The following ZIM2 variants were observed in gnomAD, a reference collection of about 807,000 sequenced individuals.
ZIM2 encodes zinc finger protein 656.
ZIM2 carries 14 observed loss-of-function variants against 38.6 expected under a neutral mutation model. The ratio of observed to expected loss-of-function variants is 0.36; its 90% CI spans 0.24 to 0.57. ZIM2 has a LOEUF of 0.57. Among genes scored for constraint, ZIM2 ranks in the 20% least tolerant of loss-of-function variants. The probability of loss-of-function intolerance (pLI) is 0.81; values close to 1 mark genes in which losing one functional copy is unlikely to be tolerated. For missense variants in ZIM2, 680 were observed against 695.1 expected (o/e 0.98, Z 0.24); for synonymous variants, 247 against 245.8 (o/e 1.00, Z -0.04).
chr19:56,824,567 T>C, intron 3 of ZIM2, 140 bp from the exon 4 acceptor site: 1 of 1,614,126 alleles, frequency 6.2e-7, no homozygotes, highest in South Asian at 1.1e-5. Flanking sequence ...GACATCCGGC[T>C]CCTTAGTCAA....
Position 56,774,561 on chromosome 19 carries a change from T to TAC in ZIM2, c.*125_*126dup. 1 of 1,390,594 alleles carries TAC rather than the reference T, an allele frequency of 7.2e-7. No homozygotes were observed. The highest frequency in any genetic ancestry group is 9.5e-7 in the Non-Finnish European group (1 of 1,047,914). The allele number at this position is 1,390,594 out of a possible 1,614,324, so 86.1% of individuals were successfully genotyped here. A position where few individuals can be genotyped will look rare whatever the true frequency, so the allele number is the denominator to read the frequency against. ...AAAATTGCAACTTTTTTTTTTTTTTTACCACACTTTGATGAATGTTCAAGT... is the reference window on the plus strand; with the variant it reads ...AAAATTGCAACTTTTTTTTTTTTTTTACACCACACTTTGATGAATGTTCAAGT... On this transcript the variant is annotated 3_prime_UTR_variant, in exon 13 of 13. Transcript: ENST00000629319.
At chr19:56,789,813 A>C in intron 10 of ZIM2, 59 bp downstream of exon 10, 1 of 1,392,672 alleles carries the variant, frequency 7.2e-7, no homozygotes, top group Non-Finnish European at 9.6e-7. Flanking sequence ...GGAAGTCCAC[A>C]AATTAGGAAG....
At position 56,818,649 on chromosome 19, in the gene ZIM2, G is replaced by T. The variant is rs80150589; in HGVS notation, c.348C>A (p.His116Gln). 379 of 1,614,204 alleles carry T rather than the reference G, an allele frequency of 2.3e-4. No individual in the cohort carries two copies. The African/African-American group carries it at 4.6e-3, about 20-fold the overall frequency. Residue 116 changes from histidine to glutamine, a missense_variant, in exon 8 of 13, where the codon CAC becomes CAA. By Grantham distance (24) the His-to-Gln change is conservative. Transcript: ENST00000629319. ...VVDLAEDRKP[H>Q]NTIQDNMENY... is the part of the protein sequence containing the mutation. ...TTTCCATGTTGTCCTGGATTGTGTT[G>T]TGAGGTTTCCTGTCCTCAGCGAGGT...
At chr19:56,812,033 G>A in intron 9 of ZIM2, 1 of 984,526 alleles carries the variant, frequency 1.0e-6, no homozygotes, top group Non-Finnish European at 1.2e-6. Flanking sequence ...AGATCCAGAA[G>A]AGTAAGATTC....
rs138837291 is a variant in ZIM2 at position 56,817,406 on chromosome 19, C to T, written c.490+340G>A. 490 of 1,614,136 alleles carry T rather than the reference C, an allele frequency of 3.0e-4. 5 individuals carry two copies. The East Asian group carries it at 0.011, about 35-fold the overall frequency. On this transcript the variant is annotated intron_variant, in intron 9 of 12. Coordinates refer to ENST00000629319, the MANE Select transcript of ZIM2 (RefSeq NM_001387356.1). ...AATGAAATGTCCTTCCAGTTATCATCTGACATTCTGGGGAATCTCTGTGAC... is the reference window on the plus strand; with the variant it reads ...AATGAAATGTCCTTCCAGTTATCATTTGACATTCTGGGGAATCTCTGTGAC...
chr19:56,800,076 G>A (rs970318784), intron 9 of ZIM2, among the ~76,000 whole-genome samples: 4 of 152,130 alleles, frequency 2.6e-5, no homozygotes, highest in African/African-American at 9.7e-5. Flanking sequence ...TTTTGGGATT[G>A]ACAATATTGT....
chr19:56,836,036 C>A lies in ZIM2; in HGVS notation c.-245G>T. 1 of 511,718 alleles carries A rather than the reference C, an allele frequency of 2.0e-6. No homozygotes were observed. The highest frequency in any genetic ancestry group is 3.9e-6 in the Non-Finnish European group (1 of 256,618). 31.7% of individuals were successfully genotyped at this position (511,718 alleles called of 1,614,324 possible). On this transcript the variant is annotated 5_prime_UTR_variant, in exon 2 of 13. Coordinates refer to ENST00000629319, the MANE Select transcript of ZIM2 (RefSeq NM_001387356.1). ...AACTCACCTGGACCCAGCCACCTAGCGTTTGGACCTAGTCCCTCTTCCTCT... is the reference window on the plus strand; with the variant it reads ...AACTCACCTGGACCCAGCCACCTAGAGTTTGGACCTAGTCCCTCTTCCTCT...
intron 2 of ZIM2, among the ~76,000 whole-genome samples, chr19:56,828,803 A>T (rs945801449): frequency 5.9e-5 from 9 of 152,236 alleles, no homozygotes; most frequent in Non-Finnish European, 1.0e-4. Flanking sequence ...AACATCAAAA[A>T]TCAAAGAAAT....
At chr19:56,813,942 T>C in intron 9 of ZIM2, 1 of 1,614,180 alleles carries the variant, frequency 6.2e-7, no homozygotes, top group Non-Finnish European at 8.5e-7. Context: ...ATGGTTCTTC[T>C]ACCTGAATCT....
intron 8 of ZIM2, 81 bp downstream of exon 8, chr19:56,818,519 A>C: frequency 6.8e-7 from 1 of 1,468,720 alleles, no homozygotes; most frequent in Non-Finnish European, 9.5e-7. Flanking sequence ...TGTGGACTCT[A>C]ACATCCAGCT....
At position 56,824,395 on chromosome 19, in the gene ZIM2, C is replaced by T; in HGVS notation, c.-118G>A. On this transcript the variant is annotated 5_prime_UTR_variant, in exon 4 of 13. Coordinates refer to ENST00000629319, the MANE Select transcript of ZIM2 (RefSeq NM_001387356.1). ...TCAGGTACTGCTCAAGGACCAAGAG[C>T]TCGATGATCTCCTCCTTGGTGCGGG... The T allele has an allele frequency of 6.2e-7, 1 of 1,614,144 alleles. No individual in the cohort carries two copies. Among genetic ancestry groups the T allele is most frequent in the South Asian group, 1.1e-5 (1 of 91,076 alleles).
intron 9 of ZIM2, among the ~76,000 whole-genome samples, chr19:56,795,615 C>A (rs113935621): frequency 1.3e-5 from 2 of 152,134 alleles, no homozygotes; most frequent in African/African-American, 4.8e-5. Context: ...CTGTGAGACA[C>A]GAGGATAGGG....
At chr19:56,831,631 T>C (rs1489016695) in intron 2 of ZIM2, among the ~76,000 whole-genome samples, 1 of 152,216 alleles carries the variant, frequency 6.6e-6, no homozygotes, top group African/African-American at 2.4e-5. Context: ...TGAGTTTTCA[T>C]TAAACAAGGA....
At chr19:56,826,281 G>A (rs1413968780) in intron 3 of ZIM2, 107 bp downstream of exon 3, 1 of 152,324 alleles carries the variant, frequency 6.6e-6, no homozygotes, top group Non-Finnish European at 1.5e-5. Flanking sequence ...AAGGGCAGAC[G>A]GCCCAACTCT....
intron 9 of ZIM2, among the ~76,000 whole-genome samples, chr19:56,803,370 T>TA (rs1335323961): frequency 6.6e-6 from 1 of 152,190 alleles, no homozygotes; most frequent in African/African-American, 2.4e-5. Context: ...GGTTCACTGG[T>TA]AGGAGCAGCT....
intron 7 of ZIM2, among the ~76,000 whole-genome samples, chr19:56,820,104 C>CT (rs1391905245): frequency 6.6e-6 from 1 of 152,192 alleles, no homozygotes; most frequent in Non-Finnish European, 1.5e-5. Flanking sequence ...TGGTTGTTCG[C>CT]TTTGTGTTTG....
chr19:56,789,864 T>G lies in ZIM2; in HGVS notation c.570+8A>C, dbSNP rs1164812783. 1 of 1,550,104 alleles carries G rather than the reference T, an allele frequency of 6.5e-7. No individual in the cohort carries two copies. Among genetic ancestry groups the G allele is most frequent in the East Asian group, 2.3e-5 (1 of 43,644 alleles). Reference sequence around the variant, plus strand: ...TTGATAACCATGTCAGAGGAAAGCCTGACTCACCTGGGACCCAGCAGATGG... The same window carrying G: ...TTGATAACCATGTCAGAGGAAAGCCGGACTCACCTGGGACCCAGCAGATGG... On this transcript the variant is annotated splice_region_variant and intron_variant, in intron 10 of 12. Coordinates refer to ENST00000629319, the MANE Select transcript of ZIM2 (RefSeq NM_001387356.1).
intron 11 of ZIM2, among the ~76,000 whole-genome samples, chr19:56,781,390 TAA>T (rs2046324512): frequency 6.6e-6 from 1 of 152,234 alleles, no homozygotes; most frequent in African/African-American, 2.4e-5. Context: ...CCTCCGCACG[TAA>T]AGAGAGATTG....
At chr19:56,816,792 A>G (rs2060022208) in intron 9 of ZIM2, 2 of 1,613,930 alleles carry the variant, frequency 1.2e-6, no homozygotes, top group African/African-American at 1.3e-5. Context: ...GAAGCTCACT[A>G]AAGGTGGGGC....
Sources: gnomAD v4.1 joint callset for allele counts (sites outside exome capture counted in the v4.1 genomes callset) on GRCh38, gnomAD v4.1.1 for gene constraint, MANE v1.5 for transcripts, NCBI Gene and HGNC (gene_info 2026-07-23, HGNC 2026-07-21) for gene names.